The following PCLO variants were observed in gnomAD, a reference collection of about 807,000 sequenced individuals.
The protein encoded by PCLO is protein piccolo.
In PCLO, 82 loss-of-function variants were observed where a neutral mutation model predicts 427.5. The ratio of observed to expected loss-of-function variants is 0.19; its 90% CI spans 0.16 to 0.23. PCLO has a LOEUF of 0.23. Ranked by LOEUF, PCLO falls within the 10% of genes least tolerant of loss-of-function variation. The pLI, the probability that PCLO is intolerant of heterozygous loss-of-function variation, is 1.00. For missense variants in PCLO, 6,239 were observed against 6,115.9 expected (o/e 1.02, Z -0.67); for synonymous variants, 2,357 against 2,155.4 (o/e 1.09, Z -2.59).
chr7:82,907,034 C>T (rs7787415), intron 8 of PCLO, among the ~76,000 whole-genome samples: 3,659 of 151,858 alleles, frequency 0.024, 151 homozygotes, highest in African/African-American at 0.083. Context: ...AGACCAAAAC[C>T]ATAAATCTGT....
intron 3 of PCLO, among the ~76,000 whole-genome samples, chr7:83,095,775 T>C (rs1440332201): frequency 2.0e-5 from 3 of 152,100 alleles, no homozygotes; most frequent in Non-Finnish European, 2.9e-5. Context: ...TATTTCCATG[T>C]AGCTAGAGAA....
chr7:82,821,551 TA>T, intron 20 of PCLO: 1 of 976,720 alleles, frequency 1.0e-6, no homozygotes, highest in Non-Finnish European at 1.2e-6. Flanking sequence ...AGTAACAGGG[TA>T]CCTACATTTG....
At chr7:82,874,966 A>T (rs1793335187) in intron 10 of PCLO, among the ~76,000 whole-genome samples, 1 of 152,192 alleles carries the variant, frequency 6.6e-6, no homozygotes, top group Admixed American at 6.5e-5. Context: ...AATAGCAAGA[A>T]ATAGCACTTC....
intron 3 of PCLO, among the ~76,000 whole-genome samples, chr7:83,042,675 A>G (rs573202335): frequency 6.6e-6 from 1 of 152,288 alleles, no homozygotes; most frequent in African/African-American, 2.4e-5. Flanking sequence ...AGCCTGGCCA[A>G]CAGGGTGAAA....
chr7:82,914,996 A>G lies in PCLO; in HGVS notation c.12990T>C (p.His4330=). ...GCTTAGTTCTGGCAGAGGATGATGCATGACTAAAGGAAACATCTAGAGCTT... is the reference window on the plus strand; with the variant it reads ...GCTTAGTTCTGGCAGAGGATGATGCGTGACTAAAGGAAACATCTAGAGCTT... ...EAEALDVSFS[H]ASSSARTKPT... Residue 4330 remains histidine (H), a synonymous_variant, in exon 7 of 25, where the codon CAT becomes CAC. Coordinates refer to ENST00000333891, the MANE Select transcript of PCLO (RefSeq NM_033026.6). The G allele has an allele frequency of 6.2e-7, 1 of 1,613,680 alleles. No homozygotes were observed. Among genetic ancestry groups the G allele is most frequent in the South Asian group, 1.1e-5 (1 of 91,080 alleles).
intron 10 of PCLO, among the ~76,000 whole-genome samples, chr7:82,865,034 A>C (rs1379027248): frequency 1.3e-5 from 2 of 152,192 alleles, no homozygotes; most frequent in Admixed American, 1.3e-4. Context: ...TCATAAATAA[A>C]GTGATATTGA....
At chr7:83,054,248 G>A (rs1789322641) in intron 3 of PCLO, among the ~76,000 whole-genome samples, 1 of 151,958 alleles carries the variant, frequency 6.6e-6, no homozygotes, top group African/African-American at 2.4e-5. Context: ...TATGCAAAAA[G>A]AAATGTTGCA....
At chr7:82,875,548 G>C (rs993872806) in intron 10 of PCLO, among the ~76,000 whole-genome samples, 3 of 151,896 alleles carry the variant, frequency 2.0e-5, no homozygotes, top group Admixed American at 6.6e-5. Context: ...CTATATGATT[G>C]CTCAATATAT....
At chr7:82,869,709 C>T (rs983900488) in intron 10 of PCLO, among the ~76,000 whole-genome samples, 8 of 151,860 alleles carry the variant, frequency 5.3e-5, no homozygotes, top group Non-Finnish European at 1.2e-4. Context: ...ACAGATGGGA[C>T]TAGCAGATCA....
chr7:82,988,904 G>A (rs564889891), intron 3 of PCLO, among the ~76,000 whole-genome samples: 88 of 151,374 alleles, frequency 5.8e-4, no homozygotes, highest in Admixed American at 1.4e-3. Context: ...GCGCGATCTC[G>A]GCTCACCGCA....
intron 10 of PCLO, among the ~76,000 whole-genome samples, chr7:82,851,164 T>C (rs968871377): frequency 6.6e-6 from 1 of 151,944 alleles, no homozygotes; most frequent in African/African-American, 2.4e-5. Context: ...TGGCAGAATG[T>C]AGTTAAATTA....
At chr7:82,800,739 G>A (rs561663578) in intron 22 of PCLO, among the ~76,000 whole-genome samples, 2 of 152,006 alleles carry the variant, frequency 1.3e-5, no homozygotes, top group Non-Finnish European at 2.9e-5. Flanking sequence ...GGGATTACAG[G>A]TGCGTGCCAC....
intron 3 of PCLO, among the ~76,000 whole-genome samples, chr7:82,967,597 T>A (rs1450348019): frequency 6.6e-6 from 1 of 152,132 alleles, no homozygotes; most frequent in Non-Finnish European, 1.5e-5. Context: ...TTTAGCAGAA[T>A]CCTGGGAGAG....
intron 3 of PCLO, among the ~76,000 whole-genome samples, chr7:83,006,508 C>A (rs983184282): frequency 1.3e-5 from 2 of 151,492 alleles, no homozygotes; most frequent in Admixed American, 6.6e-5. Flanking sequence ...TCTCATACTG[C>A]TGTTTCATAA....
intron 3 of PCLO, among the ~76,000 whole-genome samples, chr7:83,052,508 T>G (rs542555273): frequency 6.6e-6 from 1 of 152,136 alleles, no homozygotes; most frequent in African/African-American, 2.4e-5. Flanking sequence ...ATTAATTGGA[T>G]AATATTGATA....
chr7:82,866,383 G>C (rs1245368230), intron 10 of PCLO, among the ~76,000 whole-genome samples: 3 of 151,644 alleles, frequency 2.0e-5, no homozygotes, highest in African/African-American at 7.3e-5. Context: ...ATTAATATTT[G>C]TTATAATCTG....
chr7:83,018,882 C>A (rs1788272854), intron 3 of PCLO, among the ~76,000 whole-genome samples: 1 of 151,894 alleles, frequency 6.6e-6, no homozygotes, highest in Non-Finnish European at 1.5e-5. Context: ...TTACACATTA[C>A]CTTCTTTTGG....
At chr7:82,762,655 A>G (rs958058395) in intron 22 of PCLO, among the ~76,000 whole-genome samples, 2 of 151,702 alleles carry the variant, frequency 1.3e-5, no homozygotes, top group Non-Finnish European at 2.9e-5. Context: ...TCAAATGACA[A>G]CTGCTTTAAT....
chr7:82,853,589 T>C (rs1792724309), intron 10 of PCLO, among the ~76,000 whole-genome samples: 1 of 152,142 alleles, frequency 6.6e-6, no homozygotes, highest in Non-Finnish European at 1.5e-5. Context: ...CTGTGTAATA[T>C]TTACCATTAA....
Sources: gnomAD v4.1 joint callset for allele counts (sites outside exome capture counted in the v4.1 genomes callset) on GRCh38, gnomAD v4.1.1 for gene constraint, MANE v1.5 for transcripts, NCBI Gene and HGNC (gene_info 2026-07-23, HGNC 2026-07-21) for gene names.